The following CSNK2A2 variants were observed in gnomAD, a reference collection of about 807,000 sequenced individuals.
The protein encoded by CSNK2A2 is casein kinase 2 alpha 2.
In CSNK2A2, 8 loss-of-function variants were observed where a neutral mutation model predicts 54.0. The observed-to-expected ratio is 0.15, with a 90% CI of 0.09 to 0.27. The LOEUF (loss-of-function observed/expected upper bound fraction) is 0.27. Among genes scored for constraint, CSNK2A2 ranks in the 10% least tolerant of loss-of-function variants. CSNK2A2 has a pLI of 1.00. For synonymous variants in CSNK2A2, 141 were observed against 153.9 expected, an observed-to-expected ratio of 0.92 and a Z score of 0.62; for missense variants, 242 against 439.4, an observed-to-expected ratio of 0.55 and a Z score of 4.02.
chr16:58,167,843 C>A, intron 6 of CSNK2A2, 48 bp from the exon 7 acceptor site: 1 of 1,457,738 alleles, frequency 6.9e-7, no homozygotes, highest in Non-Finnish European at 9.6e-7. Context: ...TTTCTAGACG[C>A]CTATGCCTTA....
intron 5 of CSNK2A2, among the ~76,000 whole-genome samples, chr16:58,170,483 T>C (rs1234460510): frequency 6.6e-6 from 1 of 152,106 alleles, no homozygotes; most frequent in African/African-American, 2.4e-5. Context: ...TTCATTTCCC[T>C]TGGGTAGATT....
intron 2 of CSNK2A2, among the ~76,000 whole-genome samples, chr16:58,191,977 A>C (rs1403974230): frequency 6.6e-6 from 1 of 152,176 alleles, no homozygotes; most frequent in East Asian, 1.9e-4. Context: ...TAACACCTGA[A>C]ACCAGGCAGA....
chr16:58,182,310 C>T (rs967216676), intron 4 of CSNK2A2, among the ~76,000 whole-genome samples: 3 of 135,590 alleles, frequency 2.2e-5, no homozygotes, highest in African/African-American at 8.5e-5. Flanking sequence ...GCAGGTGGAT[C>T]ACGAGGTAAG....
rs948637854 is a variant in CSNK2A2 at position 58,185,642 on chromosome 16, G to C, written c.318+1113C>G. On this transcript the variant is annotated intron_variant, in intron 3 of 11. Coordinates refer to ENST00000262506, the MANE Select transcript of CSNK2A2 (RefSeq NM_001896.4). ...TCAAACATGAGGCAGTCCAGAACTAGTCATTATAAAATCAATTTGTGCTAA... is the reference window on the plus strand; with the variant it reads ...TCAAACATGAGGCAGTCCAGAACTACTCATTATAAAATCAATTTGTGCTAA... 4.6e-5 allele frequency among the ~76,000 whole-genome samples: 7 copies of C among 152,150 alleles called. No individual in the cohort carries two copies. The East Asian group carries it at 1.3e-3, about 29-fold the overall frequency.
intron 2 of CSNK2A2, among the ~76,000 whole-genome samples, chr16:58,196,163 A>G (rs911920111): frequency 1.3e-5 from 2 of 152,196 alleles, no homozygotes; most frequent in African/African-American, 4.8e-5. Context: ...TTTTCTAACA[A>G]ACGGAGCCCT....
chr16:58,172,223 G>A (rs1961765141), intron 5 of CSNK2A2, among the ~76,000 whole-genome samples: 1 of 150,620 alleles, frequency 6.6e-6, no homozygotes, highest in Non-Finnish European at 1.5e-5. Flanking sequence ...CTGGGTGAGA[G>A]TTTTACATAC....
chr16:58,167,017 A>G (rs752877225), intron 8 of CSNK2A2, among the ~76,000 whole-genome samples, 190 bp downstream of exon 8: 5 of 152,238 alleles, frequency 3.3e-5, no homozygotes, highest in Admixed American at 6.5e-5. Context: ...TTTGGCATAG[A>G]TGGCATTATC....
intron 2 of CSNK2A2, among the ~76,000 whole-genome samples, chr16:58,190,518 T>C (rs1439408701): frequency 6.6e-6 from 1 of 152,244 alleles, no homozygotes; most frequent in Non-Finnish European, 1.5e-5. Context: ...GCACTTGACC[T>C]ATATAAAAAT....
At chr16:58,163,855 C>G (rs566335521) in intron 11 of CSNK2A2, 199 bp downstream of exon 11, 2 of 468,010 alleles carry the variant, frequency 4.3e-6, no homozygotes, top group East Asian at 7.1e-5. Flanking sequence ...CTAGGTGCAT[C>G]CCCATGCTGC....
In CSNK2A2 at chr16:58,170,818, ATTG is replaced by A. The variant is rs373940008; in HGVS notation, c.430-2128_430-2126del. On this transcript the variant is annotated intron_variant, in intron 5 of 11. Transcript: ENST00000262506. ...TTCAAATCTTTCAATCATTTATTAG[ATTG>A]TTAAGCTCCATTTTTTTAATGTAAA... Among the ~76,000 whole-genome samples, 133 of 152,182 alleles carry A rather than the reference ATTG, an allele frequency of 8.7e-4. 1 individual carries two copies. The East Asian group carries it at 0.025, about 28-fold the overall frequency.
At chr16:58,168,741 C>A in intron 5 of CSNK2A2, 48 bp from the exon 6 acceptor site, 1 of 1,394,460 alleles carries the variant, frequency 7.2e-7, no homozygotes, top group Non-Finnish European at 1.0e-6. Flanking sequence ...CCTCTACCAT[C>A]CCCCAACGCA....
intron 2 of CSNK2A2, among the ~76,000 whole-genome samples, chr16:58,189,856 T>C (rs975258845): frequency 6.6e-6 from 1 of 152,178 alleles, no homozygotes; most frequent in Admixed American, 6.5e-5. Flanking sequence ...CAGCCTCAGT[T>C]TATTCCTCTG....
intron 5 of CSNK2A2, among the ~76,000 whole-genome samples, chr16:58,173,209 G>C (rs1961785619): frequency 6.6e-6 from 1 of 152,132 alleles, no homozygotes. Flanking sequence ...AATCAAGCTC[G>C]ACCTTTTTCG....
chr16:58,170,492 T>C (rs1264597994), intron 5 of CSNK2A2, among the ~76,000 whole-genome samples: 1 of 152,080 alleles, frequency 6.6e-6, no homozygotes, highest in African/African-American at 2.4e-5. Context: ...CTTGGGTAGA[T>C]TCCTAGGGGT....
chr16:58,190,039 A>G (rs970521002), intron 2 of CSNK2A2, among the ~76,000 whole-genome samples: 3 of 152,184 alleles, frequency 2.0e-5, no homozygotes, highest in Admixed American at 1.3e-4. Flanking sequence ...TCCTGTCCAG[A>G]GCCTGTAGCC....
rs58415199 is a variant in CSNK2A2 at position 58,166,713 on chromosome 16, A to C, written c.727-29T>G. 122,464 of 1,514,358 alleles carry C rather than the reference A, an allele frequency of 0.081. 6,137 individuals carry two copies. Among genetic ancestry groups the C allele is most frequent in the South Asian group, 0.2 (17,928 of 89,102 alleles). 93.8% of individuals were successfully genotyped at this position (1,514,358 alleles called of 1,614,324 possible). A position where few individuals can be genotyped will look rare whatever the true frequency, so the allele number is the denominator to read the frequency against. ...AAACACAAAACAAACTGACCAAATC[A>C]CTGAGCACAGAACACACCATGAGCC... is the stretch of plus-strand genomic sequence containing the variant. On this transcript the variant is annotated intron_variant, in intron 8 of 11. Transcript: ENST00000262506.
chr16:58,174,185 A>G (rs1961815512), intron 5 of CSNK2A2: 2 of 305,290 alleles, frequency 6.6e-6, no homozygotes, highest in Non-Finnish European at 1.2e-5. Flanking sequence ...AGCAGCAAAG[A>G]GAAAACATAT....
At chr16:58,195,187 A>T (rs1447554402) in intron 2 of CSNK2A2, among the ~76,000 whole-genome samples, 1 of 152,124 alleles carries the variant, frequency 6.6e-6, no homozygotes, top group Non-Finnish European at 1.5e-5. Context: ...CTTAAAAAAA[A>T]AAAAAACCAC....
rs1961541884 is a variant in CSNK2A2 at position 58,165,600 on chromosome 16, C to T, written c.936G>A (p.Gln312=). The stretch of plus-strand genomic sequence containing the variant: ...CCATGGCCTCTTTGGCAGTCAGTCT[C>T]TGTTGATGGTCGTATCGCAGAAGTT... ...LDKLLRYDHQ[Q]RLTAKEAMEH... is the part of the protein sequence containing the mutation. Residue 312 remains glutamine (Q), a synonymous_variant, in exon 10 of 12, where the codon CAG becomes CAA. Transcript: ENST00000262506. 1 of 1,613,930 alleles carries T rather than the reference C, an allele frequency of 6.2e-7. No homozygotes were observed. The highest frequency in any genetic ancestry group is 1.7e-5 in the Admixed American group (1 of 59,978).
Sources: gnomAD v4.1 joint callset for allele counts (sites outside exome capture counted in the v4.1 genomes callset) on GRCh38, gnomAD v4.1.1 for gene constraint, MANE v1.5 for transcripts, NCBI Gene and HGNC (gene_info 2026-07-23, HGNC 2026-07-21) for gene names.